Variants in SUZ12 observed in about 807,000 individuals in gnomAD.
SUZ12 encodes the protein polycomb protein SUZ12.
In SUZ12, 17 loss-of-function variants were observed where a neutral mutation model predicts 87.3. The observed-to-expected ratio is 0.19, with a 90% CI of 0.13 to 0.29. The LOEUF (loss-of-function observed/expected upper bound fraction) is 0.29. SUZ12 is among the 10% of genes least tolerant of loss of function. SUZ12 has a pLI of 1.00. For missense variants in SUZ12, 526 were observed against 912.2 expected (o/e 0.58, Z 5.45); for synonymous variants, 253 against 312.4 (o/e 0.81, Z 2.01).
chr17:31,963,122 T>C (rs1325961624), intron 4 of SUZ12, among the ~76,000 whole-genome samples: 1 of 152,250 alleles, frequency 6.6e-6, no homozygotes, highest in Non-Finnish European at 1.5e-5. Context: ...AATAGGTTTT[T>C]AAGACTCCTG....
Position 31,966,213 on chromosome 17 carries a change from A to C in SUZ12, c.505+17A>C. The C allele has an allele frequency of 6.3e-7, 1 of 1,593,986 alleles. No homozygotes were observed. The highest frequency in any genetic ancestry group is 8.5e-7 in the Non-Finnish European group (1 of 1,171,562). ...ACAAAAATGGTATGTATTTAAAAGT[A>C]AATAAAGTGGCATTTTAATAGCAAG... On this transcript the variant is annotated intron_variant, in intron 5 of 15. Coordinates refer to ENST00000322652, the MANE Select transcript of SUZ12 (RefSeq NM_015355.4).
At chr17:31,955,712 C>T (rs1350275565) in intron 4 of SUZ12, among the ~76,000 whole-genome samples, 2 of 151,726 alleles carry the variant, frequency 1.3e-5, no homozygotes, top group African/African-American at 4.8e-5. Flanking sequence ...CGCGCCATTG[C>T]ACTCCAGCAT....
intron 4 of SUZ12, among the ~76,000 whole-genome samples, chr17:31,961,186 C>T (rs1427378460): frequency 1.3e-5 from 2 of 151,638 alleles, no homozygotes; most frequent in African/African-American, 4.8e-5. Flanking sequence ...GAACTCCAGC[C>T]TGGGTGACAG....
At chr17:31,998,174 G>A (rs965235333) in intron 15 of SUZ12, among the ~76,000 whole-genome samples, 20 of 150,712 alleles carry the variant, frequency 1.3e-4, no homozygotes, top group Non-Finnish European at 4.4e-5. Flanking sequence ...CCACCTCCCA[G>A]GTTCACACCA....
At chr17:31,986,491 T>G (rs1309717081) in intron 9 of SUZ12, among the ~76,000 whole-genome samples, 1 of 152,232 alleles carries the variant, frequency 6.6e-6, no homozygotes, top group Non-Finnish European at 1.5e-5. Flanking sequence ...TGTGGACTGC[T>G]GTGTCCAAAC....
At chr17:31,966,606 A>G in intron 5 of SUZ12, 1 of 157,548 alleles carries the variant, frequency 6.3e-6, no homozygotes, top group Non-Finnish European at 1.4e-5. Flanking sequence ...TTGGCCTCCC[A>G]AGGGGGCGTG....
chr17:31,992,184 C>CAG (rs1909753330), intron 10 of SUZ12, among the ~76,000 whole-genome samples: 1 of 151,730 alleles, frequency 6.6e-6, no homozygotes, highest in East Asian at 2.0e-4. Context: ...CCCAGCTACT[C>CAG]AGGAGGCTGA....
At position 31,960,318 on chromosome 17, in the gene SUZ12, C is replaced by G. The variant is rs541422714; in HGVS notation, c.456-5829C>G. Among the ~76,000 whole-genome samples, 10 of 152,128 alleles carry G rather than the reference C, an allele frequency of 6.6e-5. No homozygotes were observed. In the East Asian group the frequency reaches 1.4e-3, roughly 21 times the overall value. On this transcript the variant is annotated intron_variant, in intron 4 of 15. Transcript: ENST00000322652. ...CTCCGCCTCCCAGGTTTAAGCGATT[C>G]TCCTGCCTCAGCCTCCTGAGTAGCT...
At chr17:31,959,877 CAA>C (rs1907589562) in intron 4 of SUZ12, among the ~76,000 whole-genome samples, 1 of 152,218 alleles carries the variant, frequency 6.6e-6, no homozygotes, top group African/African-American at 2.4e-5. Flanking sequence ...ATTTGCATCT[CAA>C]AATTTCAAAT....
intron 4 of SUZ12, among the ~76,000 whole-genome samples, chr17:31,951,126 A>C (rs745831015): frequency 2.0e-5 from 3 of 152,156 alleles, no homozygotes; most frequent in Admixed American, 6.5e-5. Context: ...AGATCTGTAC[A>C]GGTCTAGTCT....
intron 10 of SUZ12, among the ~76,000 whole-genome samples, chr17:31,989,177 T>A (rs1427319919): frequency 6.6e-6 from 1 of 152,018 alleles, no homozygotes; most frequent in Non-Finnish European, 1.5e-5. Context: ...CCCGCCTCAG[T>A]CTCTCAAAGT....
intron 14 of SUZ12, among the ~76,000 whole-genome samples, chr17:31,996,160 A>G (rs1379657793): frequency 1.3e-5 from 2 of 152,230 alleles, no homozygotes; most frequent in Non-Finnish European, 2.9e-5. Context: ...CAGTGAGCCA[A>G]GATTGCACCA....
At chr17:31,939,604 G>A (rs28547870) in intron 1 of SUZ12, among the ~76,000 whole-genome samples, 7,388 of 151,418 alleles carry the variant, frequency 0.049, 580 homozygotes, top group African/African-American at 0.17. Context: ...GCTCACGGCA[G>A]CCTCCGCCTC....
In SUZ12 at chr17:31,979,123, A is replaced by AAAAAAAG. The variant is rs1389571589; in HGVS notation, c.917+2511_917+2512insAAAAGAA. 2.6e-4 allele frequency among the ~76,000 whole-genome samples: 38 copies of AAAAAAAG among 145,780 alleles called. 1 individual carries two copies. The highest frequency in any genetic ancestry group is 9.6e-4 in the African/African-American group (37 of 38,616). On this transcript the variant is annotated intron_variant, in intron 8 of 15. Coordinates refer to ENST00000322652, the MANE Select transcript of SUZ12 (RefSeq NM_015355.4). ...GTCTCCAAAAAAAAAAAAAAAAAAAAAAGAATTCAAAACGATAGGAAAGTT... is the reference window on the plus strand; with the variant it reads ...GTCTCCAAAAAAAAAAAAAAAAAAAAAAAAAAGAAGAATTCAAAACGATAGGAAAGTT...
At chr17:31,970,397 G>A (rs1261165699) in intron 5 of SUZ12, among the ~76,000 whole-genome samples, 2 of 152,280 alleles carry the variant, frequency 1.3e-5, no homozygotes, top group Non-Finnish European at 2.9e-5. Context: ...GGAGGCCGAG[G>A]CAGGTAGATC....
intron 4 of SUZ12, among the ~76,000 whole-genome samples, chr17:31,951,482 CTTT>C (rs1038403579): frequency 1.5e-5 from 2 of 133,286 alleles, no homozygotes; most frequent in Admixed American, 7.5e-5. Flanking sequence ...GTGGTTAGTT[CTTT>C]TTTTTTTTTT....
chr17:31,944,929 G>A (rs1228726326), intron 3 of SUZ12, among the ~76,000 whole-genome samples: 3 of 152,050 alleles, frequency 2.0e-5, no homozygotes, highest in Admixed American at 6.6e-5. Context: ...TTAGCTGGGC[G>A]TGGTGGCTCA....
chr17:31,988,792 C>T (rs564678639), intron 10 of SUZ12, among the ~76,000 whole-genome samples: 9 of 151,682 alleles, frequency 5.9e-5, no homozygotes, highest in South Asian at 2.1e-4. Context: ...CAGGGTTGGC[C>T]GAGCGCAGTG....
chr17:31,950,283 A>T (rs1906886859), intron 4 of SUZ12, among the ~76,000 whole-genome samples: 1 of 152,106 alleles, frequency 6.6e-6, no homozygotes, highest in Non-Finnish European at 1.5e-5. Flanking sequence ...AGGTAATCTT[A>T]TTTTTCTCCT....
Sources: allele counts gnomAD v4.1 joint callset (sites outside exome capture counted in the v4.1 genomes callset), GRCh38; gene constraint gnomAD v4.1.1; transcripts MANE v1.5; gene names NCBI Gene and HGNC (gene_info 2026-07-23, HGNC 2026-07-21).